Variants in EVC2 observed in about 807,000 individuals in gnomAD.
EVC2 encodes the protein limbin.
In EVC2, 148 loss-of-function variants were observed where a neutral mutation model predicts 149.3. The ratio of observed to expected loss-of-function variants is 0.99; its 90% CI spans 0.87 to 1.14. The LOEUF is 1.14. Ranked by LOEUF, EVC2 falls within the 50% of genes most tolerant of loss-of-function variation. The probability of loss-of-function intolerance (pLI) is 0.00; values close to 1 mark genes in which losing one functional copy is unlikely to be tolerated. For missense variants in EVC2, 1,854 were observed against 1,627.3 expected (o/e 1.14, Z -2.40); for synonymous variants, 776 against 649.9 (o/e 1.19, Z -2.95).
chr4:5,562,939 T>C lies in EVC2; in HGVS notation c.3836A>G (p.Lys1279Arg). 1 of 1,614,152 alleles carries C rather than the reference T, an allele frequency of 6.2e-7. No individual in the cohort carries two copies. The highest frequency in any genetic ancestry group is 2.2e-5 in the East Asian group (1 of 44,870). Residue 1279 changes from lysine (K) to arginine (R), a missense_variant, in exon 22 of 22, where the codon AAG (lysine) becomes AGG (arginine). By Grantham distance (26) the Lys-to-Arg change is conservative. Transcript: ENST00000344408. This position sits in a 1 kb window ranked among gnomAD's most constrained non-coding sequence, Gnocchi z 4.3. ...AACGTGCAGTGAGATCTCTGGCTCC[T>C]TTGGATTTCTGAATATAAAGAGCTT... Reference protein sequence around the residue: ...GEKLFIFRNPKEPEISLHVPP... With the variant: ...GEKLFIFRNPREPEISLHVPP...
chr4:5,635,291 C>G (rs553255280), intron 10 of EVC2, among the ~76,000 whole-genome samples: 5 of 152,274 alleles, frequency 3.3e-5, no homozygotes, highest in African/African-American at 1.2e-4. Flanking sequence ...CCTGTCTCGG[C>G]ATCCCAAAGT....
At chr4:5,685,571 C>T in intron 5 of EVC2, 92 bp from the exon 6 acceptor site, 1 of 1,067,718 alleles carries the variant, frequency 9.4e-7, no homozygotes, top group African/African-American at 1.6e-5. Context: ...TGGCCCCTGG[C>T]TTCAGTGGTT....
intron 16 of EVC2, among the ~76,000 whole-genome samples, chr4:5,594,758 G>A (rs963194620): frequency 1.2e-4 from 18 of 152,158 alleles, no homozygotes; most frequent in South Asian, 4.1e-4. Flanking sequence ...GGCTTCAGAC[G>A]ATCAAACTAC....
At chr4:5,612,310 C>T (rs536493958) in intron 16 of EVC2, among the ~76,000 whole-genome samples, 2 of 152,162 alleles carry the variant, frequency 1.3e-5, no homozygotes, top group Non-Finnish European at 1.5e-5. Context: ...CTTGGATAAA[C>T]TCTTGAAAAC....
At position 5,638,793 on chromosome 4, in the gene EVC2, G is replaced by A. The variant is rs951703815; in HGVS notation, c.1470+1721C>T. On this transcript the variant is annotated intron_variant, in intron 10 of 21. Coordinates refer to ENST00000344408, the MANE Select transcript of EVC2 (RefSeq NM_147127.5). ...AGGGTTACCAGGGAAAAGGCCACAG[G>A]AAGACAGAGCAAAGATTTAAGTGAC... is the stretch of plus-strand genomic sequence containing the variant. 3.3e-5 allele frequency among the ~76,000 whole-genome samples: 5 copies of A among 152,140 alleles called. No individual in the cohort carries two copies. In the East Asian group the frequency reaches 9.6e-4, roughly 29 times the overall value.
intron 1 of EVC2, among the ~76,000 whole-genome samples, chr4:5,707,283 G>A (rs908490740): frequency 2.6e-5 from 4 of 152,176 alleles, no homozygotes; most frequent in African/African-American, 9.7e-5. Flanking sequence ...AAAACCTAAA[G>A]ACAGAAAGGG....
intron 9 of EVC2, among the ~76,000 whole-genome samples, chr4:5,653,172 G>A (rs1291440243): frequency 3.3e-5 from 5 of 152,070 alleles, no homozygotes; most frequent in Non-Finnish European, 7.4e-5. Flanking sequence ...TTGGATCAAG[G>A]CCCACCCTAA....
intron 18 of EVC2, among the ~76,000 whole-genome samples, chr4:5,575,514 C>T (rs1247036813): frequency 1.3e-5 from 2 of 152,168 alleles, no homozygotes; most frequent in Non-Finnish European, 2.9e-5. Context: ...GAATGAAAAT[C>T]ATCTGTAATT....
chr4:5,573,664 T>C (rs1267302491), intron 19 of EVC2, among the ~76,000 whole-genome samples: 1 of 152,240 alleles, frequency 6.6e-6, no homozygotes, highest in Non-Finnish European at 1.5e-5. Flanking sequence ...GGTAAGTTTG[T>C]AGCTGTGATA....
At chr4:5,531,343 T>C in the EVC2 span, among the ~76,000 whole-genome samples, 3 of 152,152 alleles carry the variant, frequency 2.0e-5, no homozygotes, top group Non-Finnish European at 4.4e-5. Flanking sequence ...AATAAAATGG[T>C]GTGGTATTTG....
intron 21 of EVC2, among the ~76,000 whole-genome samples, chr4:5,554,523 G>A (rs1224581526): frequency 6.6e-6 from 1 of 152,180 alleles, no homozygotes; most frequent in African/African-American, 2.4e-5. Flanking sequence ...GTGGCTCTGG[G>A]AGAAAGAGTA....
intron 7 of EVC2, among the ~76,000 whole-genome samples, chr4:5,668,090 A>G (rs1719390824): frequency 6.6e-6 from 1 of 152,242 alleles, no homozygotes; most frequent in South Asian, 2.1e-4. Context: ...AGAAAAGCCA[A>G]CCTGTGACAA....
In EVC2 at chr4:5,679,677, T is replaced by C. The variant is rs886450459; in HGVS notation, c.870+1583A>G. Among the ~76,000 whole-genome samples, 1 of 152,200 alleles carries C rather than the reference T, an allele frequency of 6.6e-6. No homozygotes were observed. The highest frequency in any genetic ancestry group is 6.5e-5 in the Admixed American group (1 of 15,280). ...TACATATGCAGAACGTGCAGGTTTG[T>C]TACATAGGTATACATGTGTCATGGT... On this transcript the variant is annotated intron_variant, in intron 7 of 21. Coordinates refer to ENST00000344408, the MANE Select transcript of EVC2 (RefSeq NM_147127.5). The surrounding 1 kb of genome is among the most constrained non-coding windows in gnomAD (Gnocchi z 5.1).
chr4:5,706,445 GATACATAC>G lies in EVC2; in HGVS notation c.228+1833_228+1840del, dbSNP rs1291717875. The stretch of plus-strand genomic sequence containing the variant: ...AGATAGATACATAGATAGATAGATA[GATACATAC>G]ATACATACATACATACATACATAGA... On this transcript the variant is annotated intron_variant, in intron 1 of 21. Coordinates refer to ENST00000344408, the MANE Select transcript of EVC2 (RefSeq NM_147127.5). Among the ~76,000 whole-genome samples the G allele has an allele frequency of 2.5e-3, 64 of 25,766 alleles. 12 individuals carry two copies. The East Asian group carries it at 0.032, about 13-fold the overall frequency. The allele number at this position is 25,766 out of a possible 152,430, so 16.9% of individuals were successfully genotyped here.
Position 5,689,170 on chromosome 4 carries a change from C to T in EVC2, c.693G>A (p.Lys231=). ...CTTTGCTGTTACCTTGCAGAAACTT[C>T]TTGCTAAAAGCCTGGAATCCTTCCG... is the stretch of plus-strand genomic sequence containing the variant. ...RTSEGFQAFS[K]KFLQVGDAFA... Residue 231 remains lysine, a synonymous_variant, in exon 5 of 22, where the codon AAG becomes AAA. Transcript: ENST00000344408. The T allele has an allele frequency of 6.2e-7, 1 of 1,614,180 alleles. No individual in the cohort carries two copies. Among genetic ancestry groups the T allele is most frequent in the Non-Finnish European group, 8.5e-7 (1 of 1,180,038 alleles).
rs1448966858 is a variant in EVC2 at position 5,625,984 on chromosome 4, A to T, written c.1887-76T>A. 11 of 1,547,844 alleles carry T rather than the reference A, an allele frequency of 7.1e-6. No homozygotes were observed. The highest frequency in any genetic ancestry group is 9.8e-6 in the Non-Finnish European group (11 of 1,125,276). On this transcript the variant is annotated intron_variant, in intron 12 of 21. Coordinates refer to ENST00000344408, the MANE Select transcript of EVC2 (RefSeq NM_147127.5). The surrounding 1 kb of genome is among the most constrained non-coding windows in gnomAD (Gnocchi z 4.0). ...AGCTTAACTGCTATTGTGCCTGAAC[A>T]TTCATCTCCATATTAGTTTGGTTTG... is the stretch of plus-strand genomic sequence containing the variant.
At chr4:5,552,631 G>A (rs1209558357) in intron 21 of EVC2, among the ~76,000 whole-genome samples, 1 of 152,182 alleles carries the variant, frequency 6.6e-6, no homozygotes, top group Non-Finnish European at 1.5e-5. Flanking sequence ...GATGGCACAG[G>A]ACCATGAATA....
At chr4:5,632,427 C>T (rs993085401) in intron 10 of EVC2, among the ~76,000 whole-genome samples, 1 of 152,142 alleles carries the variant, frequency 6.6e-6, no homozygotes, top group Non-Finnish European at 1.5e-5. Context: ...ATATGCTGTT[C>T]CAACCTGTCC....
Position 5,657,914 on chromosome 4 carries a change from G to T in EVC2, c.1145+5193C>A, listed in dbSNP as rs1185171208. Among the ~76,000 whole-genome samples, 3 of 151,876 alleles carry T rather than the reference G, an allele frequency of 2.0e-5. No individual in the cohort carries two copies. Among genetic ancestry groups the T allele is most frequent in the African/African-American group, 4.8e-5 (2 of 41,328 alleles). On this transcript the variant is annotated intron_variant, in intron 9 of 21. Transcript: ENST00000344408. This position sits in a 1 kb window ranked among gnomAD's most constrained non-coding sequence, Gnocchi z 4.7. ...CCACCCTGGCCTGGTCCTCTTTTGG[G>T]TCCTCAAATGTCCACATCCCTTCCC... is the stretch of plus-strand genomic sequence containing the variant.
Sources: gnomAD v4.1 joint callset for allele counts (sites outside exome capture counted in the v4.1 genomes callset) on GRCh38, gnomAD v4.1.1 for gene constraint, Gnocchi (gnomAD v3.1) non-coding constraint, MANE v1.5 for transcripts, NCBI Gene and HGNC (gene_info 2026-07-23, HGNC 2026-07-21) for gene names.